Variants in KLRG1 observed in about 807,000 individuals in gnomAD.
The protein encoded by KLRG1 is killer cell lectin-like receptor subfamily G member 1.
In KLRG1, 16 loss-of-function variants were observed where a neutral mutation model predicts 21.8. The observed-to-expected ratio is 0.73, with a 90% CI of 0.50 to 1.11. The LOEUF is 1.11. KLRG1 is among the 50% of genes most tolerant of loss of function. KLRG1 has a pLI of 0.00. For missense variants in KLRG1, 173 were observed against 218.3 expected (o/e 0.79, Z 1.31); for synonymous variants, 69 against 75.9 (o/e 0.91, Z 0.47).
At chr12:9,008,392 T>C (rs1354253972) in intron 3 of KLRG1, among the ~76,000 whole-genome samples, 1 of 152,240 alleles carries the variant, frequency 6.6e-6, no homozygotes, top group African/African-American at 2.4e-5. Context: ...GACAGAAAGG[T>C]CAATTCTAGG....
the KLRG1 span, chr12:9,098,880 G>A: frequency 3.0e-5 from 32 of 1,063,606 alleles, no homozygotes; most frequent in Non-Finnish European, 3.9e-5. Flanking sequence ...GTGGAGGGTT[G>A]GCATTGTGTC....
At chr12:9,076,632 A>G in the KLRG1 span, 1 of 834,992 alleles carries the variant, frequency 1.2e-6, no homozygotes, top group South Asian at 2.0e-5. Flanking sequence ...TGGACAAAAT[A>G]TATATGATAT....
chr12:9,059,476 C>T, the KLRG1 span, among the ~76,000 whole-genome samples: 2 of 152,094 alleles, frequency 1.3e-5, no homozygotes, highest in African/African-American at 2.4e-5. Flanking sequence ...AATCCAAACA[C>T]CTAGCACCTA....
Position 8,995,174 on chromosome 12 carries a change from A to G in KLRG1, c.243A>G (p.Lys81=), listed in dbSNP as rs1012850698. The change falls in exon 3 of 5, where the codon AAA becomes AAG. Residue 81 remains lysine, a synonymous_variant. Coordinates refer to ENST00000356986, the MANE Select transcript of KLRG1 (RefSeq NM_005810.4). ...SCPSCPDRWM[K]YGNHCYYFSV... ...CTAGCTGCCCAGACCGCTGGATGAAATATGGTAACCATTGTTATTATTTCT... is the reference window on the plus strand; with the variant it reads ...CTAGCTGCCCAGACCGCTGGATGAAGTATGGTAACCATTGTTATTATTTCT... 1.2e-6 allele frequency: 2 copies of G among 1,613,514 alleles called. No individual in the cohort carries two copies. The highest frequency in any genetic ancestry group is 1.7e-6 in the Non-Finnish European group (2 of 1,179,808).
the KLRG1 span, chr12:9,192,301 G>A: frequency 4.5e-6 from 7 of 1,570,954 alleles, no homozygotes; most frequent in Non-Finnish European, 6.1e-6. Context: ...GCTGGACACA[G>A]TTCTCAGCCT....
the KLRG1 span, chr12:9,194,045 T>G: frequency 6.3e-7 from 1 of 1,581,044 alleles, no homozygotes; most frequent in Non-Finnish European, 8.7e-7. Flanking sequence ...AACATTTCCT[T>G]TGTCCTCAGA....
chr12:9,058,484 T>C, the KLRG1 span: 2 of 151,932 alleles, frequency 1.3e-5, no homozygotes, highest in African/African-American at 4.8e-5. Context: ...AATATAAACA[T>C]ATAAATATTC....
chr12:9,106,957 C>T, the KLRG1 span, among the ~76,000 whole-genome samples: 47,109 of 152,018 alleles, frequency 0.31, 8,017 homozygotes, highest in South Asian at 0.37. Context: ...ATGATCACAT[C>T]GCGGGATTTA....
chr12:9,165,151 G>C, the KLRG1 span: 1 of 1,613,856 alleles, frequency 6.2e-7, no homozygotes, highest in Non-Finnish European at 8.5e-7. Context: ...GGATGCATTT[G>C]GGAAGGTAGT....
chr12:8,993,616 C>T (rs1397672891), intron 2 of KLRG1, among the ~76,000 whole-genome samples: 2 of 152,052 alleles, frequency 1.3e-5, no homozygotes, highest in Non-Finnish European at 2.9e-5. Context: ...GAGTTCAGCT[C>T]CAGGGCTTCT....
At chr12:9,119,636 T>G in the KLRG1 span, among the ~76,000 whole-genome samples, 1 of 152,156 alleles carries the variant, frequency 6.6e-6, no homozygotes, top group African/African-American at 2.4e-5. Flanking sequence ...TAAGTTTGAA[T>G]GAAATATTGC....
chr12:9,112,127 C>T, the KLRG1 span: 1 of 1,609,952 alleles, frequency 6.2e-7, no homozygotes, highest in Non-Finnish European at 8.5e-7. Context: ...TTTATACAGA[C>T]AATCATTTTA....
the KLRG1 span, among the ~76,000 whole-genome samples, chr12:9,030,710 G>C: frequency 2.0e-5 from 3 of 152,154 alleles, no homozygotes; most frequent in Non-Finnish European, 4.4e-5. Flanking sequence ...CCAGCCTAAA[G>C]GAACTATTTT....
chr12:9,036,005 G>A, the KLRG1 span, among the ~76,000 whole-genome samples: 2 of 152,120 alleles, frequency 1.3e-5, no homozygotes, highest in East Asian at 3.9e-4. Context: ...AGTGGAGATT[G>A]GGAGAGAGTG....
At chr12:9,095,551 G>GTA in the KLRG1 span, 1 of 1,611,736 alleles carries the variant, frequency 6.2e-7, no homozygotes, top group Non-Finnish European at 8.5e-7. Flanking sequence ...CTAGGAAGCT[G>GTA]TACATATCCT....
At chr12:9,047,063 C>T in the KLRG1 span, among the ~76,000 whole-genome samples, 1 of 152,160 alleles carries the variant, frequency 6.6e-6, no homozygotes, top group African/African-American at 2.4e-5. Context: ...CTATGTTGCC[C>T]AGACTGTCTC....
At chr12:9,181,967 T>A in the KLRG1 span, 9 of 1,612,430 alleles carry the variant, frequency 5.6e-6, no homozygotes, top group East Asian at 2.0e-4. Context: ...TTATGTTAAA[T>A]CGCTCACCTT....
the KLRG1 span, among the ~76,000 whole-genome samples, chr12:9,036,011 G>C: frequency 3.3e-5 from 5 of 152,142 alleles, no homozygotes; most frequent in Non-Finnish European, 7.4e-5. Flanking sequence ...GATTGGGAGA[G>C]AGTGAGGATG....
rs1340235884 is a variant in KLRG1, at chr12:9,009,560, C to T, written c.*23C>T. 1.2e-6 allele frequency: 2 copies of T among 1,612,680 alleles called. No individual in the cohort carries two copies. The highest frequency in any genetic ancestry group is 1.7e-6 in the Non-Finnish European group (2 of 1,179,338). ...TGATAGATGACCACTCTGTCCTGAC[C>T]CTCAGATCTGTCATGTATCCCTAAA... On this transcript the variant is annotated 3_prime_UTR_variant, in exon 5 of 5. Transcript: ENST00000356986.
Sources: gnomAD v4.1 joint callset for allele counts (sites outside exome capture counted in the v4.1 genomes callset) on GRCh38, gnomAD v4.1.1 for gene constraint, MANE v1.5 for transcripts, NCBI Gene and HGNC (gene_info 2026-07-23, HGNC 2026-07-21) for gene names.